Variants in NAA35 observed in about 807,000 individuals in gnomAD.
The protein encoded by NAA35 is N-alpha-acetyltransferase 35, NatC auxiliary subunit.
In NAA35, 18 loss-of-function variants were observed where a neutral mutation model predicts 101.7. The ratio of observed to expected loss-of-function variants is 0.18; its 90% CI spans 0.12 to 0.26. The LOEUF is 0.26. NAA35 is among the 10% of genes least tolerant of loss of function. NAA35 has a pLI of 1.00. For missense variants in NAA35, 601 were observed against 886.8 expected (o/e 0.68, Z 4.09); for synonymous variants, 267 against 273.1 (o/e 0.98, Z 0.22).
intron 11 of NAA35, among the ~76,000 whole-genome samples, chr9:85,991,252 C>A (rs963361955): frequency 6.6e-6 from 1 of 151,904 alleles, no homozygotes; most frequent in African/African-American, 2.4e-5. Context: ...AGGGTAGGCT[C>A]ATGTTAATGG....
At chr9:86,016,430 G>A (rs1461761619) in intron 17 of NAA35, 109 bp from the exon 18 acceptor site, 1 of 900,482 alleles carries the variant, frequency 1.1e-6, no homozygotes, top group Admixed American at 2.7e-5. Context: ...TGAATGATCT[G>A]TTTTTAAAGA....
intron 2 of NAA35, among the ~76,000 whole-genome samples, chr9:85,950,370 C>G (rs1828967447): frequency 6.6e-6 from 1 of 152,144 alleles, no homozygotes; most frequent in African/African-American, 2.4e-5. Context: ...CTCAGCCTCC[C>G]AAGTAGTTGG....
chr9:85,978,057 T>C (rs1830288387), intron 10 of NAA35, among the ~76,000 whole-genome samples: 1 of 152,128 alleles, frequency 6.6e-6, no homozygotes, highest in Non-Finnish European at 1.5e-5. Context: ...TCTATTATTT[T>C]AATTGATCCT....
At chr9:86,005,273 CA>C (rs1374616297) in intron 13 of NAA35, among the ~76,000 whole-genome samples, 1 of 152,124 alleles carries the variant, frequency 6.6e-6, no homozygotes, top group African/African-American at 2.4e-5. Flanking sequence ...AAGCATTTGA[CA>C]AAATTCAACA....
intron 8 of NAA35, among the ~76,000 whole-genome samples, chr9:85,975,372 GTC>G (rs1425288982): frequency 1.3e-5 from 2 of 151,976 alleles, no homozygotes; most frequent in Admixed American, 6.6e-5. Flanking sequence ...ACAAATTAAT[GTC>G]ATTTTCAAGT....
intron 11 of NAA35, among the ~76,000 whole-genome samples, chr9:85,994,640 C>T (rs1047283035): frequency 1.3e-5 from 2 of 152,174 alleles, no homozygotes; most frequent in African/African-American, 4.8e-5. Context: ...TTGACTAATA[C>T]ATTTCCAGAT....
intron 8 of NAA35, among the ~76,000 whole-genome samples, chr9:85,976,046 A>G (rs73474794): frequency 0.092 from 13,943 of 152,114 alleles, 2,061 homozygotes; most frequent in African/African-American, 0.31. Context: ...CAGTGAATTG[A>G]GCAGTTAGAC....
At chr9:85,990,257 G>A (rs1389188492) in intron 11 of NAA35, among the ~76,000 whole-genome samples, 3 of 152,252 alleles carry the variant, frequency 2.0e-5, no homozygotes, top group Admixed American at 1.3e-4. Context: ...TCTCACGAGA[G>A]TGAGAAGGCA....
At position 85,955,357 on chromosome 9, in the gene NAA35, TATA is replaced by T. The variant is rs1457388183; in HGVS notation, c.125-1002_125-1000del. ...ATATATATATATATATATATATATA[TATA>T]TTTTTTTTTTTTTTTTTCTTCAGAC... On this transcript the variant is annotated intron_variant, in intron 2 of 22. Coordinates refer to ENST00000361671, the MANE Select transcript of NAA35 (RefSeq NM_024635.4). 8.1e-3 allele frequency among the ~76,000 whole-genome samples: 408 copies of T among 50,300 alleles called. 4 individuals carry two copies. The highest frequency in any genetic ancestry group is 0.01 in the South Asian group (13 of 1,280). 33.0% of individuals were successfully genotyped at this position (50,300 alleles called of 152,430 possible). A position where few individuals can be genotyped will look rare whatever the true frequency, so the allele number is the denominator to read the frequency against.
rs1161885764 is a variant in NAA35 at position 86,025,032 on chromosome 9, CTT to C, written c.*3074_*3075del. Among the ~76,000 whole-genome samples, 3 of 152,182 alleles carry C rather than the reference CTT, an allele frequency of 2.0e-5. No homozygotes were observed. The highest frequency in any genetic ancestry group is 7.2e-5 in the African/African-American group (3 of 41,442). ...TACCTCAAAATCATACGAGGCCACT[CTT>C]TGACAAGTGTGCCTGTTTCACCGTT... is the stretch of plus-strand genomic sequence containing the variant. On this transcript the variant is annotated 3_prime_UTR_variant, in exon 23 of 23. Transcript: ENST00000361671.
intron 12 of NAA35, among the ~76,000 whole-genome samples, chr9:86,003,074 C>T (rs1026006858): frequency 7.2e-5 from 11 of 152,166 alleles, no homozygotes; most frequent in Non-Finnish European, 1.3e-4. Context: ...TTGAAGCTGA[C>T]TTCTTGTCTC....
intron 6 of NAA35, among the ~76,000 whole-genome samples, chr9:85,965,414 G>A (rs965707555): frequency 6.6e-6 from 1 of 152,188 alleles, no homozygotes; most frequent in Non-Finnish European, 1.5e-5. Flanking sequence ...GATGGCTTGA[G>A]CTGAGGAGTT....
At chr9:85,981,528 C>T (rs886072014) in intron 11 of NAA35, among the ~76,000 whole-genome samples, 20 of 152,128 alleles carry the variant, frequency 1.3e-4, no homozygotes, top group Non-Finnish European at 1.5e-5. Flanking sequence ...CAGCTTGTGA[C>T]TTTTCTATAT....
rs769588153 is a variant in NAA35 at position 85,959,821 on chromosome 9, C to T, written c.302C>T (p.Thr101Ile). The change falls in exon 5 of 23, where the codon ACC becomes ATC. Residue 101 changes from threonine to isoleucine, a missense_variant. Physicochemically the swap from Thr to Ile is moderately conservative, Grantham distance 89 (BLOSUM62 -1). This residue lies in a region of NAA35 where 42 missense variants were observed against 41.2 expected (regional missense o/e 1.02). Coordinates refer to ENST00000361671, the MANE Select transcript of NAA35 (RefSeq NM_024635.4). The part of the protein sequence containing the change: ...KDGTIKIKDL[T>I]LPELIGIMDT... The stretch of plus-strand genomic sequence containing the variant: ...GGCACTATTAAAATTAAAGATCTCA[C>T]CTTGCCTGAACTGATAGGGATTATG... 1.9e-6 allele frequency: 3 copies of T among 1,610,494 alleles called. No homozygotes were observed. The highest frequency in any genetic ancestry group is 2.5e-6 in the Non-Finnish European group (3 of 1,178,688).
intron 2 of NAA35, among the ~76,000 whole-genome samples, chr9:85,953,297 C>T (rs1829101869): frequency 6.8e-6 from 1 of 146,172 alleles, no homozygotes. Context: ...TTTGTAATGT[C>T]TTGCAAGCAT....
At chr9:86,004,801 T>G (rs527620444) in intron 13 of NAA35, among the ~76,000 whole-genome samples, 1 of 152,298 alleles carries the variant, frequency 6.6e-6, no homozygotes, top group Admixed American at 6.5e-5. Context: ...CAAAAGCAGA[T>G]AAAATGGACC....
Position 85,989,199 on chromosome 9 carries a change from G to A in NAA35, c.878-7200G>A, listed in dbSNP as rs192212998. On this transcript the variant is annotated intron_variant, in intron 11 of 22. Transcript: ENST00000361671. ...AGTAAAGAACTGTGACCTGCTGGGC[G>A]TGGTGGCTCACGCCTGTAATCCCAG... 9.9e-5 allele frequency among the ~76,000 whole-genome samples: 15 copies of A among 152,232 alleles called. No homozygotes were observed. The East Asian group carries it at 1.9e-3, about 20-fold the overall frequency.
chr9:85,967,144 CA>C (rs1564295477), intron 6 of NAA35, among the ~76,000 whole-genome samples: 2 of 151,500 alleles, frequency 1.3e-5, no homozygotes, highest in African/African-American at 2.4e-5. Flanking sequence ...ATCTCAACAA[CA>C]ATAACAAAAA....
chr9:85,958,387 G>A (rs1312244250), intron 3 of NAA35, 85 bp from the exon 4 acceptor site: 1 of 726,174 alleles, frequency 1.4e-6, no homozygotes, highest in Non-Finnish European at 2.3e-6. Context: ...GTTATTAAAA[G>A]TAGTATAATT....
Sources: gnomAD v4.1 joint callset for allele counts (sites outside exome capture counted in the v4.1 genomes callset) on GRCh38, gnomAD v4.1.1 for gene constraint, gnomAD v4.1.1 regional missense constraint, MANE v1.5 for transcripts, NCBI Gene and HGNC (gene_info 2026-07-23, HGNC 2026-07-21) for gene names.